NUDC: variants seen among roughly 807,000 people sequenced by gnomAD.
The protein encoded by NUDC is nuclear distribution C, dynein complex regulator.
Under a neutral mutation model 45.0 loss-of-function variants are expected in NUDC, and 14 were observed. The ratio of observed to expected loss-of-function variants is 0.31; its 90% CI spans 0.21 to 0.49. The LOEUF is 0.49. Among genes scored for constraint, NUDC ranks in the 20% least tolerant of loss-of-function variants. NUDC has a pLI of 0.99. For missense variants in NUDC, 323 were observed against 426.2 expected (o/e 0.76, Z 2.13); for synonymous variants, 153 against 156.7 (o/e 0.98, Z 0.17).
chr1:26,931,377 CTTTTTTTTTTT>C (rs796368735), intron 2 of NUDC, among the ~76,000 whole-genome samples: 160 of 76,976 alleles, frequency 2.1e-3, no homozygotes, highest in African/African-American at 7.1e-3. Flanking sequence ...TGCGCCTGGC[CTTTTTTTTTTT>C]TTTTTTTTTT....
intron 6 of NUDC, 163 bp from the exon 7 acceptor site, chr1:26,945,227 C>T: frequency 1.5e-6 from 1 of 675,036 alleles, no homozygotes; most frequent in South Asian, 1.6e-5. Context: ...TCTCCCCTAG[C>T]TGCAGGAAGG....
upstream of NUDC, chr1:26,921,715 C>T (rs1379968649): frequency 9.3e-6 from 9 of 968,676 alleles, no homozygotes; most frequent in Non-Finnish European, 1.4e-5. Context: ...CCTGGGCAGC[C>T]GCGCGCGTGC....
chr1:26,933,081 A>G (rs535545457), intron 2 of NUDC, among the ~76,000 whole-genome samples: 2 of 151,932 alleles, frequency 1.3e-5, no homozygotes, highest in East Asian at 1.9e-4. Context: ...GACTACAGGC[A>G]CACGCCACCA....
At position 26,937,320 on chromosome 1, in the gene NUDC, C is replaced by T. The variant is rs576114409; in HGVS notation, c.160-4137C>T. 1.1e-3 allele frequency among the ~76,000 whole-genome samples: 170 copies of T among 152,260 alleles called. 1 individual carries two copies. Among genetic ancestry groups the T allele is most frequent in the Non-Finnish European group, 1.8e-3 (121 of 68,014 alleles). On this transcript the variant is annotated intron_variant, in intron 2 of 8. Coordinates refer to ENST00000321265, the MANE Select transcript of NUDC (RefSeq NM_006600.4). The stretch of plus-strand genomic sequence containing the variant: ...CACTCTCACGCAGGTTGTAGTGCAG[C>T]GGCGCAATCTCGGCTCACTGTAACC...
chr1:26,901,301 G>A (rs1439573012), intron 1 of NUDC, among the ~76,000 whole-genome samples: 1 of 151,856 alleles, frequency 6.6e-6, no homozygotes, highest in Non-Finnish European at 1.5e-5. Flanking sequence ...GCATTGCCCA[G>A]GCTGGTATTG....
At chr1:26,911,935 C>A in intron 3 of NUDC, 1 of 1,614,172 alleles carries the variant, frequency 6.2e-7, no homozygotes, top group East Asian at 2.2e-5. Flanking sequence ...GCAGGCTGGT[C>A]GGAATGGACT....
chr1:26,915,394 GCT>G (rs908952130), intron 3 of NUDC, among the ~76,000 whole-genome samples: 4 of 152,146 alleles, frequency 2.6e-5, no homozygotes, highest in African/African-American at 9.7e-5. Flanking sequence ...CAGAAGTGTT[GCT>G]CTGCTGCCAC....
chr1:26,921,815 G>A lies in NUDC; in HGVS notation c.-34G>A. On this transcript the variant is annotated 5_prime_UTR_variant, in exon 1 of 9. Coordinates refer to ENST00000321265, the MANE Select transcript of NUDC (RefSeq NM_006600.4). ...AGCGTAGAGAGCGCGGGACTAGAGTGCAGAGCTCCGGGACGTGGATCGGAG... is the reference window on the plus strand; with the variant it reads ...AGCGTAGAGAGCGCGGGACTAGAGTACAGAGCTCCGGGACGTGGATCGGAG... 1 of 1,546,858 alleles carries A rather than the reference G, an allele frequency of 6.5e-7. No homozygotes were observed. The highest frequency in any genetic ancestry group is 8.7e-7 in the Non-Finnish European group (1 of 1,144,404).
chr1:26,946,776 C>A lies in NUDC; in HGVS notation c.*595C>A, dbSNP rs1016471140. 3.7e-5 allele frequency: 6 copies of A among 160,980 alleles called. No homozygotes were observed. In the South Asian group the frequency reaches 5.1e-4, roughly 14 times the overall value. 10.0% of individuals were successfully genotyped at this position (160,980 alleles called of 1,614,324 possible). On this transcript the variant is annotated 3_prime_UTR_variant, in exon 9 of 9. Coordinates refer to ENST00000321265, the MANE Select transcript of NUDC (RefSeq NM_006600.4). The stretch of plus-strand genomic sequence containing the variant: ...CTGAGGCAGGAGAATCGCTTGAACC[C>A]GGGTGGCGGAGGTTGCAGTGAGCCG...
exon 1 of NUDC, chr1:26,900,377 G>A (rs1557662272): frequency 1.9e-6 from 3 of 1,614,032 alleles, no homozygotes; most frequent in African/African-American, 1.3e-5. Context: ...AGCGCAACAC[G>A]GAGGGGATAC....
intron 3 of NUDC, among the ~76,000 whole-genome samples, chr1:26,915,058 C>CATACATAT (rs758134417): frequency 7.1e-6 from 1 of 140,552 alleles, no homozygotes; most frequent in African/African-American, 2.6e-5. Flanking sequence ...TACATACATA[C>CATACATAT]ATATATATAT....
At chr1:26,926,774 A>G (rs1281625842) in intron 2 of NUDC, among the ~76,000 whole-genome samples, 4 of 151,752 alleles carry the variant, frequency 2.6e-5, no homozygotes, top group Non-Finnish European at 5.9e-5. Flanking sequence ...CTAATTTTGT[A>G]TTTTTAGTAG....
At chr1:26,908,531 A>T (rs1231268969) in intron 2 of NUDC, among the ~76,000 whole-genome samples, 1 of 152,104 alleles carries the variant, frequency 6.6e-6, no homozygotes, top group Non-Finnish European at 1.5e-5. Flanking sequence ...AAGAAATTTG[A>T]AAAGGATCAA....
chr1:26,905,081 G>A (rs1014809449), intron 2 of NUDC, among the ~76,000 whole-genome samples: 7 of 148,602 alleles, frequency 4.7e-5, no homozygotes, highest in South Asian at 2.1e-4. Flanking sequence ...TAGATGATCC[G>A]CCCACCTCGG....
intron 3 of NUDC, among the ~76,000 whole-genome samples, chr1:26,915,356 T>G (rs1477576683): frequency 6.6e-6 from 1 of 152,184 alleles, no homozygotes; most frequent in Non-Finnish European, 1.5e-5. Context: ...CTGCCTGCTT[T>G]GCAGACGTTG....
intron 3 of NUDC, chr1:26,914,029 G>T (rs369176490): frequency 2.7e-6 from 3 of 1,116,968 alleles, no homozygotes; most frequent in Admixed American, 3.2e-5. Context: ...GGAACGGGGG[G>T]AATGGCCCAA....
upstream of NUDC, among the ~76,000 whole-genome samples, chr1:26,921,146 C>T (rs968934932): frequency 4.6e-5 from 7 of 152,162 alleles, no homozygotes; most frequent in African/African-American, 1.7e-4. Context: ...AGGTCAATTT[C>T]AGCACCTGTC....
rs945321383 is a variant in NUDC at position 26,946,594 on chromosome 1, G to T, written c.*413G>T. On this transcript the variant is annotated 3_prime_UTR_variant, in exon 9 of 9. Transcript: ENST00000321265. ...TGGCCGGGTGTGATGGTTCATGTCT[G>T]TAATCCCAGCACTTTGGGAGGCTGA... is the stretch of plus-strand genomic sequence containing the variant. 3.5e-6 allele frequency: 1 copy of T among 288,468 alleles called. No homozygotes were observed. The highest frequency in any genetic ancestry group is 6.8e-6 in the Non-Finnish European group (1 of 147,122). 17.9% of individuals were successfully genotyped at this position (288,468 alleles called of 1,614,324 possible). A position where few individuals can be genotyped will look rare whatever the true frequency, so the allele number is the denominator to read the frequency against.
chr1:26,914,767 G>T (rs2082052285), intron 3 of NUDC, among the ~76,000 whole-genome samples: 1 of 151,992 alleles, frequency 6.6e-6, no homozygotes, highest in South Asian at 2.1e-4. Flanking sequence ...AGGAGTTCAA[G>T]ACCAGCCTGG....
Sources: gnomAD v4.1 joint callset for allele counts (sites outside exome capture counted in the v4.1 genomes callset) on GRCh38, gnomAD v4.1.1 for gene constraint, MANE v1.5 for transcripts, NCBI Gene and HGNC (gene_info 2026-07-23, HGNC 2026-07-21) for gene names.